RALGAPA1: variants seen among roughly 807,000 people sequenced by gnomAD.
RALGAPA1 encodes Ral GTPase activating protein catalytic subunit alpha 1, also known as ral GTPase-activating protein subunit alpha-1.
RALGAPA1 carries 52 observed loss-of-function variants against 269.6 expected under a neutral mutation model. That is an observed-to-expected ratio of 0.19 (90% confidence interval 0.15 to 0.24). The LOEUF (loss-of-function observed/expected upper bound fraction) is 0.24. RALGAPA1 is among the 10% of genes least tolerant of loss of function. The probability of loss-of-function intolerance (pLI) is 1.00; values close to 1 mark genes in which losing one functional copy is unlikely to be tolerated. For missense variants in RALGAPA1, 1,917 were observed against 3,013.9 expected (o/e 0.64, Z 8.52); for synonymous variants, 817 against 1,008.3 (o/e 0.81, Z 3.60).
intron 26 of RALGAPA1, 32 bp from the exon 27 acceptor site, chr14:35,664,799 T>C (rs201763441): frequency 6.3e-7 from 1 of 1,594,130 alleles, no homozygotes; most frequent in South Asian, 1.1e-5. Context: ...AGTTTAAAAA[T>C]ATATTGGTGT....
chr14:35,690,488 T>C (rs921083707), intron 17 of RALGAPA1, among the ~76,000 whole-genome samples: 3 of 152,238 alleles, frequency 2.0e-5, no homozygotes, highest in Non-Finnish European at 4.4e-5. Context: ...ATTTTGCTTC[T>C]CTGTTTGATT....
chr14:35,650,977 T>C (rs1009593563), intron 31 of RALGAPA1, among the ~76,000 whole-genome samples: 2 of 148,868 alleles, frequency 1.3e-5, no homozygotes, highest in African/African-American at 5.2e-5. Context: ...TAAACTAAAT[T>C]TAGTGTCAAC....
At chr14:35,799,230 T>G (rs138933007) in intron 1 of RALGAPA1, among the ~76,000 whole-genome samples, 44 of 152,242 alleles carry the variant, frequency 2.9e-4, no homozygotes, top group African/African-American at 1.0e-3. Context: ...GGAAGTGGTA[T>G]AGTATCACTT....
intron 1 of RALGAPA1, among the ~76,000 whole-genome samples, chr14:35,777,946 A>G (rs1404660325): frequency 6.6e-6 from 1 of 152,232 alleles, no homozygotes; most frequent in Non-Finnish European, 1.5e-5. Flanking sequence ...GGTAAACATC[A>G]ATTAATTTCT....
intron 12 of RALGAPA1, among the ~76,000 whole-genome samples, chr14:35,738,169 A>G (rs989475820): frequency 2.0e-5 from 3 of 152,172 alleles, no homozygotes; most frequent in African/African-American, 4.8e-5. Context: ...AGAAAAATGA[A>G]TAAGTCAAAT....
intron 28 of RALGAPA1, among the ~76,000 whole-genome samples, chr14:35,658,901 T>G (rs982507520): frequency 6.6e-6 from 1 of 151,992 alleles, no homozygotes; most frequent in African/African-American, 2.4e-5. Context: ...AACAAATCAT[T>G]TTAGAGATAA....
At chr14:35,566,624 G>C (rs1302133612) in intron 39 of RALGAPA1, among the ~76,000 whole-genome samples, 1 of 151,796 alleles carries the variant, frequency 6.6e-6, no homozygotes, top group African/African-American at 2.4e-5. Context: ...ATTTTAAAAT[G>C]CTTGATTTTT....
At chr14:35,630,290 C>T (rs1009553576) in intron 33 of RALGAPA1, among the ~76,000 whole-genome samples, 1 of 150,896 alleles carries the variant, frequency 6.6e-6, no homozygotes, top group African/African-American at 2.4e-5. Context: ...AGCTTATTTA[C>T]TGGTTTTTTT....
rs116114520 is a variant in RALGAPA1, at chr14:35,608,838, C to T, written c.6930-3129G>A. On this transcript the variant is annotated intron_variant, in intron 35 of 41. Transcript: ENST00000680220. Reference sequence around the variant, plus strand: ...AAGACTTGAACAATAATATGACAACCGGACCTACCTGACATCTACAGAATA... The same window carrying T: ...AAGACTTGAACAATAATATGACAACTGGACCTACCTGACATCTACAGAATA... 1.9e-3 allele frequency among the ~76,000 whole-genome samples: 291 copies of T among 152,196 alleles called. 1 individual carries two copies. Among genetic ancestry groups the T allele is most frequent in the African/African-American group, 6.4e-3 (264 of 41,532 alleles).
At chr14:35,695,403 T>G (rs182115845) in intron 17 of RALGAPA1, among the ~76,000 whole-genome samples, 10 of 152,306 alleles carry the variant, frequency 6.6e-5, no homozygotes, top group Admixed American at 6.5e-5. Flanking sequence ...TTGGGCAGAA[T>G]TTAGGAAAAG....
At chr14:35,636,962 G>C (rs1478066091) in intron 31 of RALGAPA1, among the ~76,000 whole-genome samples, 1 of 152,134 alleles carries the variant, frequency 6.6e-6, no homozygotes, top group Non-Finnish European at 1.5e-5. Flanking sequence ...GTGAATCTAA[G>C]ACTGATCTAA....
At chr14:35,674,406 A>G in intron 23 of RALGAPA1, 110 bp downstream of exon 23, 3 of 1,223,462 alleles carry the variant, frequency 2.5e-6, no homozygotes, top group Middle Eastern at 1.9e-4. Flanking sequence ...TTTGCCATGC[A>G]GGGTACCAGT....
chr14:35,708,571 T>C (rs2068016125), intron 16 of RALGAPA1, among the ~76,000 whole-genome samples: 2 of 152,248 alleles, frequency 1.3e-5, no homozygotes, highest in East Asian at 3.9e-4. Context: ...CCAGCTAAAA[T>C]GGCTTTTATC....
intron 37 of RALGAPA1, among the ~76,000 whole-genome samples, chr14:35,594,258 A>T (rs997181181): frequency 1.3e-5 from 2 of 152,152 alleles, no homozygotes; most frequent in African/African-American, 4.8e-5. Flanking sequence ...TACAAATACA[A>T]AAATAAATAA....
intron 3 of RALGAPA1, 124 bp downstream of exon 3, chr14:35,774,882 A>C: frequency 1.5e-6 from 1 of 666,742 alleles, no homozygotes; most frequent in Non-Finnish European, 2.6e-6. Context: ...ATTTAGATTT[A>C]GTTCTTAGAA....
intron 11 of RALGAPA1, among the ~76,000 whole-genome samples, chr14:35,740,802 T>C (rs188412442): frequency 6.6e-6 from 1 of 152,284 alleles, no homozygotes; most frequent in African/African-American, 2.4e-5. Flanking sequence ...AGGAAAACCT[T>C]GTTTCAAAAT....
rs1158658612 is a variant in RALGAPA1, at chr14:35,801,198, C to T, written c.106+7532G>A. On this transcript the variant is annotated intron_variant, in intron 1 of 41. Coordinates refer to ENST00000680220, the MANE Select transcript of RALGAPA1 (RefSeq NM_001346249.2). Reference sequence around the variant, plus strand: ...GAAAGACAAATTATCAGACAAGAAACGAGAAGGATAACATTACCATGGGTC... The same window carrying T: ...GAAAGACAAATTATCAGACAAGAAATGAGAAGGATAACATTACCATGGGTC... Among the ~76,000 whole-genome samples the T allele has an allele frequency of 2.0e-5, 3 of 149,518 alleles. No individual in the cohort carries two copies. The South Asian group carries it at 6.3e-4, about 32-fold the overall frequency.
At chr14:35,643,587 T>C (rs2062179549) in intron 31 of RALGAPA1, among the ~76,000 whole-genome samples, 1 of 152,212 alleles carries the variant, frequency 6.6e-6, no homozygotes, top group Non-Finnish European at 1.5e-5. Flanking sequence ...TACATTCCCA[T>C]GTTTACTGCA....
chr14:35,600,640 T>C (rs1202436881), intron 36 of RALGAPA1, among the ~76,000 whole-genome samples: 3 of 152,228 alleles, frequency 2.0e-5, no homozygotes, highest in Admixed American at 6.5e-5. Flanking sequence ...TACAACTACA[T>C]AGCCTTTTAT....
Sources: gnomAD v4.1 joint callset for allele counts (sites outside exome capture counted in the v4.1 genomes callset) on GRCh38, gnomAD v4.1.1 for gene constraint, MANE v1.5 for transcripts, NCBI Gene and HGNC (gene_info 2026-07-23, HGNC 2026-07-21) for gene names.